SLC9A9: variants seen among roughly 807,000 people sequenced by gnomAD.
SLC9A9 encodes the protein solute carrier family 9 member A9, also known as sodium/hydrogen exchanger 9.
A neutral mutation model predicts 77.8 loss-of-function variants in SLC9A9; 62 were observed. The observed-to-expected ratio is 0.80, with a 90% CI of 0.65 to 0.98. SLC9A9 has a LOEUF of 0.98. Among genes scored for constraint, SLC9A9 ranks in the 50% least tolerant of loss-of-function variants. The pLI, the probability that SLC9A9 is intolerant of heterozygous loss-of-function variation, is 0.00. For synonymous variants in SLC9A9, 320 were observed against 283.5 expected, an observed-to-expected ratio of 1.13 and a Z score of -1.29; for missense variants, 775 against 774.9, an observed-to-expected ratio of 1.00 and a Z score of 0.00.
chr3:143,691,573 A>T (rs1933468324), intron 5 of SLC9A9, among the ~76,000 whole-genome samples: 1 of 152,132 alleles, frequency 6.6e-6, no homozygotes, highest in African/African-American at 2.4e-5. Flanking sequence ...CATTGTCCAA[A>T]CCACAAAACT....
At position 143,266,586 on chromosome 3, in the gene SLC9A9, A is replaced by G; in HGVS notation, c.*116T>C. The G allele has an allele frequency of 9.8e-7, 1 of 1,023,584 alleles. No homozygotes were observed. The highest frequency in any genetic ancestry group is 1.4e-5 in the South Asian group (1 of 72,822). 63.4% of individuals were successfully genotyped at this position (1,023,584 alleles called of 1,614,324 possible). On this transcript the variant is annotated 3_prime_UTR_variant, in exon 16 of 16. Transcript: ENST00000316549. ...ATGTGACAAGGCTTTGATTCTCTCC[A>G]ATTTATGCTCTTAATATGTTTTCCA...
chr3:143,406,763 G>A (rs966703345), intron 12 of SLC9A9, among the ~76,000 whole-genome samples: 1 of 151,950 alleles, frequency 6.6e-6, no homozygotes, highest in Non-Finnish European at 1.5e-5. Flanking sequence ...ATCACCTAAG[G>A]TCAGGAGTTC....
intron 5 of SLC9A9, among the ~76,000 whole-genome samples, chr3:143,654,557 A>G (rs2038856291): frequency 6.6e-6 from 1 of 152,234 alleles, no homozygotes; most frequent in Admixed American, 6.5e-5. Flanking sequence ...GAGTTAAGAC[A>G]CTGCATCTAC....
At chr3:143,798,658 C>G (rs1188981389) in intron 2 of SLC9A9, among the ~76,000 whole-genome samples, 1 of 152,164 alleles carries the variant, frequency 6.6e-6, no homozygotes, top group East Asian at 1.9e-4. Flanking sequence ...ACAGTGGTTC[C>G]AAACAGCCAG....
At chr3:143,605,676 A>G (rs1315535492) in intron 6 of SLC9A9, among the ~76,000 whole-genome samples, 1 of 152,228 alleles carries the variant, frequency 6.6e-6, no homozygotes, top group African/African-American at 2.4e-5. Flanking sequence ...ATATTAGCAG[A>G]TATTATCTCT....
chr3:143,566,635 T>C (rs1159084241), intron 8 of SLC9A9, among the ~76,000 whole-genome samples: 1 of 152,118 alleles, frequency 6.6e-6, no homozygotes, highest in Non-Finnish European at 1.5e-5. Flanking sequence ...TAACTTTTTG[T>C]ATGAGAAAAT....
intron 5 of SLC9A9, among the ~76,000 whole-genome samples, chr3:143,671,875 C>A (rs763017925): frequency 5.9e-5 from 9 of 152,194 alleles, no homozygotes; most frequent in Non-Finnish European, 1.3e-4. Context: ...TGTAATTTCT[C>A]CCCCCTTGGA....
chr3:143,739,500 A>G (rs1177844186), intron 4 of SLC9A9, among the ~76,000 whole-genome samples: 3 of 152,362 alleles, frequency 2.0e-5, no homozygotes, highest in African/African-American at 7.2e-5. Context: ...TCTATGAAAG[A>G]AAAGAATTAC....
intron 5 of SLC9A9, among the ~76,000 whole-genome samples, chr3:143,683,555 T>C (rs1018336809): frequency 2.0e-5 from 3 of 151,962 alleles, no homozygotes; most frequent in Admixed American, 2.0e-4. Context: ...ATCGGGAAAA[T>C]TTCAGTGTGG....
At chr3:143,716,949 G>A (rs1410257733) in intron 4 of SLC9A9, among the ~76,000 whole-genome samples, 1 of 152,162 alleles carries the variant, frequency 6.6e-6, no homozygotes, top group Non-Finnish European at 1.5e-5. Context: ...GATGGGCAAA[G>A]GAGGAAGGGC....
At chr3:143,621,217 G>C (rs1161734530) in intron 6 of SLC9A9, among the ~76,000 whole-genome samples, 1 of 152,208 alleles carries the variant, frequency 6.6e-6, no homozygotes, top group African/African-American at 2.4e-5. Context: ...AAAGGCAGCA[G>C]AATCCTCTGC....
At chr3:143,420,812 C>T (rs2034285173) in intron 12 of SLC9A9, among the ~76,000 whole-genome samples, 1 of 152,040 alleles carries the variant, frequency 6.6e-6, no homozygotes, top group Non-Finnish European at 1.5e-5. Flanking sequence ...TACAAGGCAT[C>T]TGAATACAAA....
intron 4 of SLC9A9, among the ~76,000 whole-genome samples, chr3:143,703,842 A>T (rs189882025): frequency 6.4e-4 from 98 of 152,250 alleles, no homozygotes; most frequent in African/African-American, 2.3e-3. Flanking sequence ...GAGAATGAAG[A>T]CTCAAATAAA....
chr3:143,725,667 A>G (rs1473477555), intron 4 of SLC9A9, among the ~76,000 whole-genome samples: 1 of 135,670 alleles, frequency 7.4e-6, no homozygotes, highest in Non-Finnish European at 1.6e-5. Flanking sequence ...GTTCTCACTC[A>G]TAGATGGGAA....
chr3:143,431,823 C>T (rs188915488), intron 12 of SLC9A9, among the ~76,000 whole-genome samples: 127 of 152,258 alleles, frequency 8.3e-4, no homozygotes, highest in African/African-American at 2.7e-3. Flanking sequence ...CTCCTACTCT[C>T]CTACATGCTC....
intron 11 of SLC9A9, among the ~76,000 whole-genome samples, chr3:143,467,831 A>AATTC (rs2035311462): frequency 1.3e-5 from 2 of 151,848 alleles, no homozygotes; most frequent in African/African-American, 4.8e-5. Context: ...CCTCCCACAT[A>AATTC]CTCACTCCTT....
intron 4 of SLC9A9, among the ~76,000 whole-genome samples, chr3:143,761,571 A>G (rs529998178): frequency 2.0e-5 from 3 of 152,228 alleles, no homozygotes; most frequent in African/African-American, 7.2e-5. Flanking sequence ...ACATTTATGC[A>G]GCCAACAGAC....
rs533462539 is a variant in SLC9A9 at position 143,752,961 on chromosome 3, T to C, written c.533+42040A>G. On this transcript the variant is annotated intron_variant, in intron 4 of 15. Coordinates refer to ENST00000316549, the MANE Select transcript of SLC9A9 (RefSeq NM_173653.4). ...TGGCGTAAGGAGTCCCTATTGATGA[T>C]CCTATTCTGAAAAGCTTTGATTTAT... 2.0e-5 allele frequency among the ~76,000 whole-genome samples: 3 copies of C among 152,316 alleles called. No individual in the cohort carries two copies. In the East Asian group the frequency reaches 5.8e-4, roughly 29 times the overall value.
chr3:143,575,872 A>T (rs531817027), intron 7 of SLC9A9, among the ~76,000 whole-genome samples: 6 of 152,184 alleles, frequency 3.9e-5, no homozygotes, highest in Non-Finnish European at 7.3e-5. Flanking sequence ...TGAGGAGGAC[A>T]ACAGTAAGCA....
Sources: gnomAD v4.1 joint callset for allele counts (sites outside exome capture counted in the v4.1 genomes callset) on GRCh38, gnomAD v4.1.1 for gene constraint, MANE v1.5 for transcripts, NCBI Gene and HGNC (gene_info 2026-07-23, HGNC 2026-07-21) for gene names.